The following SH3GL3 variants were observed in gnomAD, a reference collection of about 807,000 sequenced individuals.
The protein encoded by SH3GL3 is SH3 domain containing GRB2 like 3, endophilin A3.
SH3GL3 carries 33 observed loss-of-function variants against 47.7 expected under a neutral mutation model. The observed-to-expected ratio is 0.69, with a 90% CI of 0.52 to 0.92. SH3GL3 has a LOEUF of 0.92. Ranked by LOEUF, SH3GL3 falls within the 40% of genes least tolerant of loss-of-function variation. The pLI is 0.00. For missense variants in SH3GL3, 363 were observed against 417.8 expected, an observed-to-expected ratio of 0.87 and a Z score of 1.14; for synonymous variants, 155 against 148.8, an observed-to-expected ratio of 1.04 and a Z score of -0.30.
At chr15:83,538,683 G>T (rs970149916) in intron 1 of SH3GL3, among the ~76,000 whole-genome samples, 11 of 152,032 alleles carry the variant, frequency 7.2e-5, no homozygotes, top group Admixed American at 2.6e-4. Flanking sequence ...TACCCATGTT[G>T]TTACATATTA....
chr15:83,460,867 G>A (rs776396790), intron 1 of SH3GL3, among the ~76,000 whole-genome samples: 7 of 152,160 alleles, frequency 4.6e-5, no homozygotes, highest in East Asian at 3.9e-4. Context: ...GGCAGATCCC[G>A]AGGTCAGGAG....
At chr15:83,519,516 G>A (rs1454408201) in intron 1 of SH3GL3, among the ~76,000 whole-genome samples, 2 of 152,162 alleles carry the variant, frequency 1.3e-5, no homozygotes, top group Non-Finnish European at 2.9e-5. Flanking sequence ...CATTGATTTT[G>A]TATTCTGAAA....
chr15:83,598,484 T>G (rs1008354424), intron 8 of SH3GL3, among the ~76,000 whole-genome samples: 1 of 152,230 alleles, frequency 6.6e-6, no homozygotes, highest in African/African-American at 2.4e-5. Context: ...CCTTAAAAAG[T>G]CCTATTTTGT....
chr15:83,601,557 T>C (rs1324148134), intron 8 of SH3GL3, among the ~76,000 whole-genome samples: 1 of 152,208 alleles, frequency 6.6e-6, no homozygotes, highest in Non-Finnish European at 1.5e-5. Flanking sequence ...CACTTGATTG[T>C]GGTGGATTAT....
chr15:83,505,631 G>A (rs1357721337), intron 1 of SH3GL3, among the ~76,000 whole-genome samples: 3 of 149,446 alleles, frequency 2.0e-5, no homozygotes, highest in Non-Finnish European at 4.4e-5. Flanking sequence ...AAGTTCAAGC[G>A]ATTCTCCGCC....
At chr15:83,556,848 G>A (rs926822441) in intron 1 of SH3GL3, among the ~76,000 whole-genome samples, 4 of 152,176 alleles carry the variant, frequency 2.6e-5, no homozygotes, top group African/African-American at 9.7e-5. Flanking sequence ...ACCTGTTGCC[G>A]GTCAGCTGCC....
intron 1 of SH3GL3, among the ~76,000 whole-genome samples, chr15:83,480,362 T>C (rs768987104): frequency 1.3e-5 from 2 of 152,232 alleles, no homozygotes; most frequent in Non-Finnish European, 2.9e-5. Context: ...CAGCATACTT[T>C]ACAGGTTTTT....
rs553444457 is a variant in SH3GL3 at position 83,487,834 on chromosome 15, A to G, written c.45+40256A>G. On this transcript the variant is annotated intron_variant, in intron 1 of 8. Coordinates refer to ENST00000427482, the MANE Select transcript of SH3GL3 (RefSeq NM_003027.5). ...TAGTTTTTCTCTTCTCTCACTATCCATTTTTTTTTCTTTCTTTTTTTAATT... is the reference window on the plus strand; with the variant it reads ...TAGTTTTTCTCTTCTCTCACTATCCGTTTTTTTTTCTTTCTTTTTTTAATT... 2.6e-5 allele frequency among the ~76,000 whole-genome samples: 3 copies of G among 117,022 alleles called. No individual in the cohort carries two copies. In the South Asian group the frequency reaches 8.7e-4, roughly 34 times the overall value. The allele number at this position is 117,022 out of a possible 152,430, so 76.8% of individuals were successfully genotyped here. A position where few individuals can be genotyped will look rare whatever the true frequency, so the allele number is the denominator to read the frequency against.
chr15:83,502,641 T>C (rs1431914950), intron 1 of SH3GL3, among the ~76,000 whole-genome samples: 3 of 152,186 alleles, frequency 2.0e-5, no homozygotes, highest in African/African-American at 7.2e-5. Context: ...CACTGTAGCC[T>C]CGACCTTCTG....
At chr15:83,484,806 C>T (rs1174604156) in intron 1 of SH3GL3, among the ~76,000 whole-genome samples, 1 of 152,208 alleles carries the variant, frequency 6.6e-6, no homozygotes, top group African/African-American at 2.4e-5. Flanking sequence ...TGACATGAAG[C>T]ACATTTTCAA....
At chr15:83,573,098 A>G (rs2059582578) in intron 5 of SH3GL3, among the ~76,000 whole-genome samples, 6 of 152,222 alleles carry the variant, frequency 3.9e-5, no homozygotes, top group Admixed American at 3.3e-4. Flanking sequence ...AAGAAGATCA[A>G]TACCTAGAAA....
intron 8 of SH3GL3, among the ~76,000 whole-genome samples, chr15:83,610,178 G>C (rs2060624613): frequency 6.6e-6 from 1 of 152,206 alleles, no homozygotes; most frequent in Non-Finnish European, 1.5e-5. Context: ...CTGAGCTGAG[G>C]ACCCAAAGGC....
intron 8 of SH3GL3, among the ~76,000 whole-genome samples, chr15:83,605,146 G>T (rs757411669): frequency 1.3e-5 from 2 of 152,198 alleles, no homozygotes; most frequent in African/African-American, 2.4e-5. Context: ...TTTTAAGAAG[G>T]CTCAGTGTCC....
chr15:83,487,889 T>C (rs2041684734), intron 1 of SH3GL3, among the ~76,000 whole-genome samples: 1 of 151,216 alleles, frequency 6.6e-6, no homozygotes, highest in African/African-American at 2.4e-5. Context: ...TTTTTTTTTT[T>C]TTCCTGAGAC....
chr15:83,586,508 CCTTT>C (rs2059959342), intron 6 of SH3GL3, among the ~76,000 whole-genome samples: 1 of 152,142 alleles, frequency 6.6e-6, no homozygotes, highest in Non-Finnish European at 1.5e-5. Flanking sequence ...TCCCTGGCCC[CCTTT>C]CTTATCTGTT....
chr15:83,609,949 G>A (rs899444601), intron 8 of SH3GL3, among the ~76,000 whole-genome samples: 7 of 152,226 alleles, frequency 4.6e-5, no homozygotes, highest in South Asian at 2.1e-4. Flanking sequence ...ACCACCTGGA[G>A]TGGGCACTGT....
chr15:83,612,416 C>T (rs1346426209), intron 8 of SH3GL3, among the ~76,000 whole-genome samples: 2 of 152,214 alleles, frequency 1.3e-5, no homozygotes, highest in South Asian at 2.1e-4. Context: ...TATTTGGAGC[C>T]GTGTGTCACT....
At chr15:83,529,701 T>G (rs572130430) in intron 1 of SH3GL3, among the ~76,000 whole-genome samples, 2 of 109,316 alleles carry the variant, frequency 1.8e-5, no homozygotes, top group Non-Finnish European at 3.4e-5. Context: ...GCAGCATCCC[T>G]GCTGCTCAGT....
intron 1 of SH3GL3, among the ~76,000 whole-genome samples, chr15:83,546,210 TTACTG>T (rs1331149882): frequency 1.3e-5 from 2 of 150,894 alleles, no homozygotes; most frequent in Non-Finnish European, 2.9e-5. Context: ...GCTTGATGCT[TTACTG>T]TACTGTGGCT....
Sources: gnomAD v4.1 joint callset for allele counts (sites outside exome capture counted in the v4.1 genomes callset) on GRCh38, gnomAD v4.1.1 for gene constraint, MANE v1.5 for transcripts, NCBI Gene and HGNC (gene_info 2026-07-23, HGNC 2026-07-21) for gene names.